Variants in GREB1 observed in about 807,000 individuals in gnomAD.
The protein encoded by GREB1 is protein GREB1.
In GREB1, 106 loss-of-function variants were observed where a neutral mutation model predicts 200.7. The observed-to-expected ratio is 0.53, with a 90% CI of 0.45 to 0.62. GREB1 has a LOEUF of 0.62. Ranked by LOEUF, GREB1 falls within the 20% of genes least tolerant of loss-of-function variation. The pLI is 0.00. For missense variants in GREB1, 2,243 were observed against 2,556.8 expected, an observed-to-expected ratio of 0.88 and a Z score of 2.65; for synonymous variants, 1,132 against 1,092.4, an observed-to-expected ratio of 1.04 and a Z score of -0.72.
At chr2:11,612,209 A>AAAAT in intron 18 of GREB1, 5 of 606,630 alleles carry the variant, frequency 8.2e-6, no homozygotes, top group Non-Finnish European at 1.1e-5. Flanking sequence ...AAAAAAAAAA[A>AAAAT]GACTTAAGGA....
intron 1 of GREB1, among the ~76,000 whole-genome samples, chr2:11,499,276 G>T (rs1367994189): frequency 1.3e-5 from 2 of 152,238 alleles, no homozygotes; most frequent in African/African-American, 4.8e-5. Context: ...TTGTGTGTGG[G>T]TGCAGGGGTC....
chr2:11,636,867 C>G (rs1349975874), intron 30 of GREB1, among the ~76,000 whole-genome samples: 1 of 146,438 alleles, frequency 6.8e-6, no homozygotes, highest in East Asian at 2.0e-4. Flanking sequence ...GGGGCAGAGG[C>G]AAGGACAGAG....
At chr2:11,638,835 A>T in intron 32 of GREB1, 26 bp downstream of exon 32, 1 of 1,610,812 alleles carries the variant, frequency 6.2e-7, no homozygotes, top group Non-Finnish European at 8.5e-7. Context: ...TTAACTCTGC[A>T]CCTTGTCTTC....
Position 11,597,737 on chromosome 2 carries a change from G to C in GREB1, c.1955-44G>C, listed in dbSNP as rs368260786. 6.4e-7 allele frequency: 1 copy of C among 1,563,998 alleles called. No individual in the cohort carries two copies. The highest frequency in any genetic ancestry group is 1.7e-5 in the Admixed American group (1 of 59,950). On this transcript the variant is annotated intron_variant, in intron 13 of 32. Coordinates refer to ENST00000381486, the MANE Select transcript of GREB1 (RefSeq NM_014668.4). This position sits in a 1 kb window ranked among gnomAD's most constrained non-coding sequence, Gnocchi z 4.1. ...TCTGGCCAAGGGCCTGGCAGTAGCC[G>C]TGTGCCCTGGAGCTCACCTGGCATC...
At position 11,589,260 on chromosome 2, in the gene GREB1, C is replaced by CAGGCAG. The variant is rs1234811920; in HGVS notation, c.1345+330_1345+335dup. 3.9e-5 allele frequency among the ~76,000 whole-genome samples: 6 copies of CAGGCAG among 152,160 alleles called. No homozygotes were observed. The East Asian group carries it at 1.2e-3, about 29-fold the overall frequency. ...AGAGAAGCAATAAACCAGTGGAAAA[C>CAGGCAG]AGGCAGGTAAAGATGGGTGCATGCA... On this transcript the variant is annotated intron_variant, in intron 10 of 32. Coordinates refer to ENST00000381486, the MANE Select transcript of GREB1 (RefSeq NM_014668.4).
In GREB1 at chr2:11,634,377, G is replaced by A. The variant is rs187730558; in HGVS notation, c.5210+28G>A. 170 of 1,579,250 alleles carry A rather than the reference G, an allele frequency of 1.1e-4. No individual in the cohort carries two copies. The African/African-American group carries it at 2.0e-3, about 19-fold the overall frequency. ...GAGCTCCTGCACCTGGGGCAGAGGC[G>A]GCGGCAGCCCTGGGGGCGCAGAGTC... On this transcript the variant is annotated intron_variant, in intron 29 of 32. Transcript: ENST00000381486.
intron 1 of GREB1, among the ~76,000 whole-genome samples, chr2:11,527,324 CAT>C (rs1183943392): frequency 6.6e-6 from 1 of 152,148 alleles, no homozygotes; most frequent in Non-Finnish European, 1.5e-5. Flanking sequence ...TTTCTCATGG[CAT>C]TAAATTCTCA....
chr2:11,552,980 A>G (rs1676067374), intron 1 of GREB1, among the ~76,000 whole-genome samples: 2 of 140,800 alleles, frequency 1.4e-5, no homozygotes, highest in South Asian at 2.3e-4. Context: ...ACTGCACTCC[A>G]GCCTGGGCGA....
chr2:11,484,107 T>C (rs1476513879), intron 1 of GREB1, among the ~76,000 whole-genome samples: 1 of 152,168 alleles, frequency 6.6e-6, no homozygotes, highest in African/African-American at 2.4e-5. Flanking sequence ...TGTAGCACTT[T>C]GTTATTGGGA....
intron 17 of GREB1, 138 bp from the exon 18 acceptor site, chr2:11,610,550 A>G (rs1682823210): frequency 7.7e-6 from 5 of 647,684 alleles, no homozygotes; most frequent in Admixed American, 2.9e-5. Context: ...GGTTCCCACA[A>G]CCACCTTCCA....
At chr2:11,551,523 C>T (rs774818642) in intron 1 of GREB1, among the ~76,000 whole-genome samples, 5 of 152,206 alleles carry the variant, frequency 3.3e-5, no homozygotes, top group Non-Finnish European at 7.3e-5. Context: ...GTCTGATTTT[C>T]ACCCTTGGGT....
intron 9 of GREB1, among the ~76,000 whole-genome samples, chr2:11,587,157 C>T (rs1463319310): frequency 1.3e-5 from 2 of 152,190 alleles, no homozygotes; most frequent in East Asian, 3.9e-4. Context: ...TCTGTTTACA[C>T]TGCACCCCTC....
At chr2:11,589,428 G>A (rs191897573) in intron 10 of GREB1, among the ~76,000 whole-genome samples, 80 of 152,272 alleles carry the variant, frequency 5.3e-4, no homozygotes, top group East Asian at 3.7e-3. Flanking sequence ...GGGAGGCCAG[G>A]TGAGTGCTGT....
intron 1 of GREB1, among the ~76,000 whole-genome samples, chr2:11,524,795 G>A (rs1673817437): frequency 6.6e-6 from 1 of 152,224 alleles, no homozygotes; most frequent in African/African-American, 2.4e-5. Flanking sequence ...CTCTGATTTT[G>A]TTAGGGATAG....
In GREB1 at chr2:11,637,665, G is replaced by A. The variant is rs753046666; in HGVS notation, c.5347-51G>A. The stretch of plus-strand genomic sequence containing the variant: ...CCTTGCAGCCCGGAAGCCATGGGAA[G>A]GTCCTCGCCCCTCAGGGCAGTAGTG... On this transcript the variant is annotated intron_variant, in intron 30 of 32. Transcript: ENST00000381486. 6 of 1,567,698 alleles carry A rather than the reference G, an allele frequency of 3.8e-6. No individual in the cohort carries two copies. In the Admixed American group the frequency reaches 1.0e-4, roughly 26 times the overall value.
chr2:11,618,205 CTGGGACAGGTCACTCCTGGGATGGGTG>C lies in GREB1; in HGVS notation c.3413-82_3413-56del, dbSNP rs1463630541. The stretch of plus-strand genomic sequence containing the variant: ...AGGTCACTCCTGGGATGGGTGACTC[CTGGGACAGGTCACTCCTGGGATGGGTG>C]ACTCCTGGGACAGGTACCTTCTAGG... On this transcript the variant is annotated intron_variant, in intron 21 of 32. Transcript: ENST00000381486. The C allele has an allele frequency of 4.7e-5, 64 of 1,365,724 alleles. 1 individual carries two copies. In the East Asian group the frequency reaches 4.9e-4, roughly 10 times the overall value. 84.6% of individuals were successfully genotyped at this position (1,365,724 alleles called of 1,614,324 possible).
chr2:11,546,947 T>G (rs998151005), intron 1 of GREB1, among the ~76,000 whole-genome samples: 1 of 147,932 alleles, frequency 6.8e-6, no homozygotes, highest in Non-Finnish European at 1.5e-5. Context: ...TTTAAACTTT[T>G]TTTTTTTTTT....
chr2:11,584,418 A>G (rs144616820), intron 7 of GREB1, among the ~76,000 whole-genome samples: 29 of 152,302 alleles, frequency 1.9e-4, no homozygotes, highest in African/African-American at 7.0e-4. Context: ...GGAGGGGAGC[A>G]CAGGTGGATC....
intron 17 of GREB1, among the ~76,000 whole-genome samples, chr2:11,604,318 A>C (rs1682054223): frequency 6.6e-6 from 1 of 152,204 alleles, no homozygotes; most frequent in Admixed American, 6.5e-5. Context: ...ACTTTGAGAA[A>C]GTTTCTCGAT....
Sources: gnomAD v4.1 joint callset for allele counts (sites outside exome capture counted in the v4.1 genomes callset) on GRCh38, gnomAD v4.1.1 for gene constraint, Gnocchi (gnomAD v3.1) non-coding constraint, MANE v1.5 for transcripts, NCBI Gene and HGNC (gene_info 2026-07-23, HGNC 2026-07-21) for gene names.